The following DIAPH3 variants were observed in gnomAD, a reference collection of about 807,000 sequenced individuals.
DIAPH3 encodes diaphanous related formin 3.
A neutral mutation model predicts 144.3 loss-of-function variants in DIAPH3; 117 were observed. The ratio of observed to expected loss-of-function variants is 0.81; its 90% CI spans 0.70 to 0.95. DIAPH3 has a LOEUF of 0.95. Among genes scored for constraint, DIAPH3 ranks in the 40% least tolerant of loss-of-function variants. DIAPH3 has a pLI of 0.00. For missense variants in DIAPH3, 1,421 were observed against 1,412.7 expected, an observed-to-expected ratio of 1.01 and a Z score of -0.09; for synonymous variants, 519 against 488.9, an observed-to-expected ratio of 1.06 and a Z score of -0.81.
chr13:59,779,845 G>T (rs977525413), intron 25 of DIAPH3, among the ~76,000 whole-genome samples: 8 of 152,154 alleles, frequency 5.3e-5, no homozygotes, highest in Non-Finnish European at 1.0e-4. Context: ...ATTCTATTAC[G>T]CTCTTCATTA....
intron 9 of DIAPH3, among the ~76,000 whole-genome samples, chr13:60,002,575 A>G (rs2140900503): frequency 6.6e-6 from 1 of 152,222 alleles, no homozygotes; most frequent in East Asian, 1.9e-4. Context: ...TAGAACTATG[A>G]CAGACTAACA....
chr13:59,983,692 C>A (rs1184199718), intron 13 of DIAPH3, 77 bp downstream of exon 13: 2 of 1,002,098 alleles, frequency 2.0e-6, no homozygotes, highest in East Asian at 4.9e-5. Flanking sequence ...GAGACACAAC[C>A]CGAGAACCAA....
At chr13:59,910,869 G>A (rs997248051) in intron 20 of DIAPH3, among the ~76,000 whole-genome samples, 7 of 150,300 alleles carry the variant, frequency 4.7e-5, no homozygotes, top group Admixed American at 4.0e-4. Flanking sequence ...AGTAGAATGC[G>A]TTTATGAAGA....
At position 60,106,444 on chromosome 13, in the gene DIAPH3, G is replaced by A. The variant is rs192930667; in HGVS notation, c.390+5566C>T. On this transcript the variant is annotated intron_variant, in intron 3 of 27. Coordinates refer to ENST00000400324, the MANE Select transcript of DIAPH3 (RefSeq NM_001042517.2). ...TCTAATAATTTTAAATGAAAATATA[G>A]GAGAATAGATTTATGATGTCAGGAT... is the stretch of plus-strand genomic sequence containing the variant. Among the ~76,000 whole-genome samples, 25 of 152,218 alleles carry A rather than the reference G, an allele frequency of 1.6e-4. No individual in the cohort carries two copies. In the East Asian group the frequency reaches 4.2e-3, roughly 26 times the overall value.
In DIAPH3 at chr13:59,949,991, T is replaced by C. The variant is rs576054575; in HGVS notation, c.2074+19953A>G. ...TTCATAAATTCATCACCAATGCCCT[T>C]GGTAATAAAAGTAGTCTCTTAATTG... On this transcript the variant is annotated intron_variant, in intron 17 of 27. Coordinates refer to ENST00000400324, the MANE Select transcript of DIAPH3 (RefSeq NM_001042517.2). Among the ~76,000 whole-genome samples the C allele has an allele frequency of 2.0e-5, 3 of 152,290 alleles. No homozygotes were observed. In the East Asian group the frequency reaches 5.8e-4, roughly 29 times the overall value.
intron 4 of DIAPH3, among the ~76,000 whole-genome samples, chr13:60,044,660 T>C (rs2055936501): frequency 6.6e-6 from 1 of 152,198 alleles, no homozygotes; most frequent in Admixed American, 6.5e-5. Context: ...TTAATATATT[T>C]CTACATAAAG....
chr13:60,078,905 T>G (rs779540747), intron 4 of DIAPH3, among the ~76,000 whole-genome samples: 1 of 151,988 alleles, frequency 6.6e-6, no homozygotes, highest in Non-Finnish European at 1.5e-5. Flanking sequence ...TCTACTAACC[T>G]TCTAGATATA....
chr13:60,020,278 A>G (rs916887885), intron 5 of DIAPH3, among the ~76,000 whole-genome samples: 1 of 152,020 alleles, frequency 6.6e-6, no homozygotes, highest in African/African-American at 2.4e-5. Context: ...CAAAGAGATG[A>G]CAGATCTCCA....
Position 59,833,274 on chromosome 13 carries a change from A to T in DIAPH3, c.2863-3T>A. ...TCTTTTGCACTGATAACAAATCTGT[A>T]TACTATAGTTAAGGTATTCTGAAAT... On this transcript the variant is annotated splice_region_variant and splice_polypyrimidine_tract_variant and intron_variant, in intron 23 of 27. Transcript: ENST00000400324. 1 of 1,603,552 alleles carries T rather than the reference A, an allele frequency of 6.2e-7. No individual in the cohort carries two copies. The highest frequency in any genetic ancestry group is 8.5e-7 in the Non-Finnish European group (1 of 1,173,176).
intron 4 of DIAPH3, among the ~76,000 whole-genome samples, chr13:60,080,425 C>T (rs982084512): frequency 6.6e-6 from 1 of 151,808 alleles, no homozygotes; most frequent in African/African-American, 2.4e-5. Context: ...TCTACTTAAT[C>T]TCGTTATAGT....
chr13:60,080,892 A>G (rs2057535557), intron 4 of DIAPH3, among the ~76,000 whole-genome samples: 1 of 152,024 alleles, frequency 6.6e-6, no homozygotes, highest in African/African-American at 2.4e-5. Flanking sequence ...ACAGAAGGTG[A>G]TAAAAACTCT....
intron 25 of DIAPH3, among the ~76,000 whole-genome samples, chr13:59,808,166 T>C (rs2040289688): frequency 1.3e-5 from 2 of 151,486 alleles, no homozygotes; most frequent in East Asian, 1.9e-4. Flanking sequence ...TATTAAAACA[T>C]CATAGAATGA....
chr13:59,670,829 C>T (rs1306928263), intron 27 of DIAPH3, among the ~76,000 whole-genome samples: 3 of 152,056 alleles, frequency 2.0e-5, no homozygotes, highest in East Asian at 1.9e-4. Context: ...GTGATCCGCC[C>T]GCCTTGGCCT....
chr13:59,950,258 A>G (rs2049032196), intron 17 of DIAPH3, among the ~76,000 whole-genome samples: 1 of 152,112 alleles, frequency 6.6e-6, no homozygotes, highest in Non-Finnish European at 1.5e-5. Flanking sequence ...TCCCATATAT[A>G]TCTTCTCATT....
intron 27 of DIAPH3, among the ~76,000 whole-genome samples, chr13:59,759,420 GAC>G (rs1197208995): frequency 6.6e-6 from 1 of 152,146 alleles, no homozygotes; most frequent in Non-Finnish European, 1.5e-5. Flanking sequence ...ATATGCAGAA[GAC>G]ACAGAGTTAA....
At chr13:59,992,674 T>C (rs1330459863) in intron 9 of DIAPH3, 91 bp from the exon 10 acceptor site, 4 of 972,872 alleles carry the variant, frequency 4.1e-6, no homozygotes, top group Non-Finnish European at 6.4e-6. Flanking sequence ...TCCAGCATTA[T>C]TAAATATCTT....
At chr13:60,057,846 A>T (rs1016368738) in intron 4 of DIAPH3, among the ~76,000 whole-genome samples, 3 of 152,024 alleles carry the variant, frequency 2.0e-5, no homozygotes, top group African/African-American at 7.2e-5. Context: ...AGCCACATGT[A>T]GAAGAATAAA....
At chr13:59,833,693 G>C (rs1182934414) in intron 23 of DIAPH3, among the ~76,000 whole-genome samples, 1 of 151,638 alleles carries the variant, frequency 6.6e-6, no homozygotes, top group Non-Finnish European at 1.5e-5. Context: ...TCAATTTCTA[G>C]CTCCTATACT....
chr13:60,098,669 C>T (rs2058178027), intron 3 of DIAPH3, among the ~76,000 whole-genome samples: 1 of 151,762 alleles, frequency 6.6e-6, no homozygotes, highest in South Asian at 2.1e-4. Flanking sequence ...GCAATATAAA[C>T]TATTGTGTAT....
Sources: allele counts gnomAD v4.1 joint callset (sites outside exome capture counted in the v4.1 genomes callset), GRCh38; gene constraint gnomAD v4.1.1; transcripts MANE v1.5; gene names NCBI Gene and HGNC (gene_info 2026-07-23, HGNC 2026-07-21).